The following MAP3K9 variants were observed in gnomAD, a reference collection of about 807,000 sequenced individuals.
The protein encoded by MAP3K9 is mixed lineage kinase 1 (tyr and ser/thr specificity).
A neutral mutation model predicts 95.8 loss-of-function variants in MAP3K9; 46 were observed. The ratio of observed to expected loss-of-function variants is 0.48; its 90% CI spans 0.38 to 0.61. MAP3K9 has a LOEUF of 0.61. MAP3K9 is among the 20% of genes least tolerant of loss of function. MAP3K9 has a pLI of 0.00. For synonymous variants in MAP3K9, 533 were observed against 593.8 expected (o/e 0.90, Z 1.49); for missense variants, 1,296 against 1,474.3 (o/e 0.88, Z 1.98).
In MAP3K9 at chr14:70,767,333, G is replaced by A. The variant is rs573355832; in HGVS notation, c.821-6151C>T. On this transcript the variant is annotated intron_variant, in intron 2 of 11. Transcript: ENST00000554752. ...CATGAGGCGGAGGTTGAAGTGAGCC[G>A]AGACTGCGCCACTGCACTCCAGCCT... is the stretch of plus-strand genomic sequence containing the variant. 2.7e-3 allele frequency among the ~76,000 whole-genome samples: 406 copies of A among 147,750 alleles called. 7 individuals are homozygous for A. The highest frequency in any genetic ancestry group is 4.6e-4 in the Non-Finnish European group (31 of 67,492).
chr14:70,759,801 C>A (rs1036688788), intron 3 of MAP3K9, among the ~76,000 whole-genome samples: 1 of 152,226 alleles, frequency 6.6e-6, no homozygotes, highest in African/African-American at 2.4e-5. Flanking sequence ...GTCACCCAGG[C>A]TGAAGTGCAG....
intron 1 of MAP3K9, among the ~76,000 whole-genome samples, chr14:70,802,640 T>C (rs965748826): frequency 2.0e-5 from 3 of 152,158 alleles, no homozygotes; most frequent in African/African-American, 7.2e-5. Flanking sequence ...AACTTCTCCA[T>C]CACCAAGACC....
At chr14:70,788,848 A>G (rs970113670) in intron 2 of MAP3K9, among the ~76,000 whole-genome samples, 1 of 152,248 alleles carries the variant, frequency 6.6e-6, no homozygotes, top group Admixed American at 6.5e-5. Flanking sequence ...CTTCCAAAAC[A>G]AGACCACAAA....
At chr14:70,757,579 C>A (rs950676242) in intron 3 of MAP3K9, among the ~76,000 whole-genome samples, 1 of 151,730 alleles carries the variant, frequency 6.6e-6, no homozygotes, top group Admixed American at 6.6e-5. Context: ...TCATTAAATG[C>A]AAAGGACTCA....
intron 1 of MAP3K9, among the ~76,000 whole-genome samples, chr14:70,807,001 T>C (rs1412747570): frequency 6.6e-6 from 1 of 152,114 alleles, no homozygotes; most frequent in Non-Finnish European, 1.5e-5. Context: ...CTGGAAACAA[T>C]TTAAAGTAAT....
rs1315025685 is a variant in MAP3K9, at chr14:70,733,242, G to A, written c.2127C>T (p.Gly709=). 15 of 1,612,568 alleles carry A rather than the reference G, an allele frequency of 9.3e-6. No homozygotes were observed. The highest frequency in any genetic ancestry group is 2.2e-5 in the East Asian group (1 of 44,834). The change falls in exon 11 of 12, where the codon GGC becomes GGT. Residue 709 remains glycine (G), a synonymous_variant. Coordinates refer to ENST00000554752, the MANE Select transcript of MAP3K9 (RefSeq NM_001284230.2). ...GGATTCCATCACTGGAGGGGCCATC[G>A]CCATCCTCTCCACGAGGGAATGGGA... The part of the protein sequence containing the change: ...LCIPFPRGED[G]DGPSSDGIHE...
intron 3 of MAP3K9, among the ~76,000 whole-genome samples, chr14:70,751,396 A>G (rs1455816836): frequency 6.6e-6 from 1 of 152,222 alleles, no homozygotes; most frequent in African/African-American, 2.4e-5. Flanking sequence ...CCAGCAACAA[A>G]GGTCATATTA....
intron 2 of MAP3K9, among the ~76,000 whole-genome samples, chr14:70,787,801 C>T (rs924925865): frequency 6.6e-6 from 1 of 151,838 alleles, no homozygotes; most frequent in African/African-American, 2.4e-5. Flanking sequence ...CAGAAAGGAA[C>T]TAGGGACAAA....
At chr14:70,762,061 A>G (rs2054383213) in intron 2 of MAP3K9, among the ~76,000 whole-genome samples, 1 of 152,194 alleles carries the variant, frequency 6.6e-6, no homozygotes, top group Non-Finnish European at 1.5e-5. Context: ...GTTCATCCAC[A>G]TTATAGCTTA....
In MAP3K9 at chr14:70,730,359, C is replaced by T; in HGVS notation, c.*21G>A. 1 of 1,587,396 alleles carries T rather than the reference C, an allele frequency of 6.3e-7. No individual in the cohort carries two copies. The highest frequency in any genetic ancestry group is 8.6e-7 in the Non-Finnish European group (1 of 1,161,084). On this transcript the variant is annotated 3_prime_UTR_variant, in exon 12 of 12. Transcript: ENST00000554752. Reference sequence around the variant, plus strand: ...TCATCTCCGCTGGCTGTCCCCCTTGCCCGCCCCAATCCTTTTCGTGCTAAG... The same window carrying T: ...TCATCTCCGCTGGCTGTCCCCCTTGTCCGCCCCAATCCTTTTCGTGCTAAG...
chr14:70,744,384 G>C (rs185862091), intron 5 of MAP3K9, among the ~76,000 whole-genome samples: 1 of 152,082 alleles, frequency 6.6e-6, no homozygotes, highest in Admixed American at 6.5e-5. Flanking sequence ...TATTTTTAAA[G>C]CAGAGCCAAC....
chr14:70,770,490 T>A (rs1341130236), intron 2 of MAP3K9, among the ~76,000 whole-genome samples: 1 of 152,022 alleles, frequency 6.6e-6, no homozygotes, highest in East Asian at 1.9e-4. Flanking sequence ...GGCTCATATT[T>A]TCTGTTTCTA....
At position 70,800,857 on chromosome 14, in the gene MAP3K9, A is replaced by T; in HGVS notation, c.630T>A (p.Cys210Ter). 1 of 1,614,166 alleles carries T rather than the reference A, an allele frequency of 6.2e-7. No homozygotes were observed. Among genetic ancestry groups the T allele is most frequent in the Non-Finnish European group, 8.5e-7 (1 of 1,180,028 alleles). The change falls in exon 2 of 12, where the codon TGT becomes TGA. Residue 210 changes from cysteine to a stop codon, truncating the protein, a stop_gained. Transcript: ENST00000554752. LOFTEE classifies it high-confidence loss of function. ...CCAAGCAGAGGTTGGGCTCCTTCAG[A>T]CATACCCCTCTTAGGGCAATGATGT... Reference protein sequence around the residue: ...HPNIIALRGVCLKEPNLCLVM... With the variant: ...HPNIIALRGV
intron 2 of MAP3K9, among the ~76,000 whole-genome samples, chr14:70,779,770 T>C (rs562992117): frequency 6.6e-6 from 1 of 152,378 alleles, no homozygotes; most frequent in Non-Finnish European, 1.5e-5. Context: ...TCCACAGTTC[T>C]GGCATGCTGA....
chr14:70,761,658 T>C (rs991554887), intron 2 of MAP3K9, among the ~76,000 whole-genome samples: 5 of 152,170 alleles, frequency 3.3e-5, no homozygotes, highest in Non-Finnish European at 7.3e-5. Flanking sequence ...TCAATAATCA[T>C]GTCCTCAAAT....
chr14:70,782,640 G>C (rs2054695540), intron 2 of MAP3K9, among the ~76,000 whole-genome samples: 1 of 152,164 alleles, frequency 6.6e-6, no homozygotes, highest in African/African-American at 2.4e-5. Flanking sequence ...GAGCAGGGAG[G>C]AACCAACCTC....
intron 10 of MAP3K9, 152 bp from the exon 11 acceptor site, chr14:70,733,494 C>T (rs1225868821): frequency 1.7e-6 from 1 of 604,274 alleles, no homozygotes; most frequent in African/African-American, 1.9e-5. Flanking sequence ...TGGAATTGAA[C>T]ACTGAACCAA....
rs1399456656 is a variant in MAP3K9 at position 70,729,823 on chromosome 14, G to A, written c.*557C>T. On this transcript the variant is annotated 3_prime_UTR_variant, in exon 12 of 12. Coordinates refer to ENST00000554752, the MANE Select transcript of MAP3K9 (RefSeq NM_001284230.2). Reference sequence around the variant, plus strand: ...TATCAAGCCCTATGACCCCACACTGGGCCACCTTGCTTTCAGTCTTCCTGC... The same window carrying A: ...TATCAAGCCCTATGACCCCACACTGAGCCACCTTGCTTTCAGTCTTCCTGC... 2.0e-5 allele frequency: 3 copies of A among 153,388 alleles called. No individual in the cohort carries two copies. The highest frequency in any genetic ancestry group is 4.8e-5 in the African/African-American group (2 of 41,450). 9.5% of individuals were successfully genotyped at this position (153,388 alleles called of 1,614,324 possible). A position where few individuals can be genotyped will look rare whatever the true frequency, so the allele number is the denominator to read the frequency against.
chr14:70,758,767 CTT>C (rs1000650160), intron 3 of MAP3K9, among the ~76,000 whole-genome samples: 9 of 144,300 alleles, frequency 6.2e-5, no homozygotes, highest in East Asian at 2.0e-4. Flanking sequence ...ATGGATGAAT[CTT>C]TTTTTTTTTT....
Sources: allele counts gnomAD v4.1 joint callset (sites outside exome capture counted in the v4.1 genomes callset), GRCh38; gene constraint gnomAD v4.1.1; transcripts MANE v1.5; gene names NCBI Gene and HGNC (gene_info 2026-07-23, HGNC 2026-07-21).